The following INPP4B variants were observed in gnomAD, a reference collection of about 807,000 sequenced individuals.
INPP4B encodes inositol polyphosphate-4-phosphatase type II B, also known as inositol polyphosphate 4-phosphatase type II.
Under a neutral mutation model 122.5 loss-of-function variants are expected in INPP4B, and 55 were observed. That is an observed-to-expected ratio of 0.45 (90% confidence interval 0.36 to 0.56). The LOEUF is 0.56. Ranked by LOEUF, INPP4B falls within the 20% of genes least tolerant of loss-of-function variation. The pLI, the probability that INPP4B is intolerant of heterozygous loss-of-function variation, is 0.00. For synonymous variants in INPP4B, 403 were observed against 388.7 expected, an observed-to-expected ratio of 1.04 and a Z score of -0.43; for missense variants, 1,000 against 1,097.7, an observed-to-expected ratio of 0.91 and a Z score of 1.26.
chr4:142,150,957 ATAGCCTGATG>A (rs1813585271), intron 17 of INPP4B, among the ~76,000 whole-genome samples: 1 of 152,202 alleles, frequency 6.6e-6, no homozygotes, highest in Non-Finnish European at 1.5e-5. Context: ...GATGTACAAA[ATAGCCTGATG>A]TATCTGTATT....
intron 12 of INPP4B, among the ~76,000 whole-genome samples, chr4:142,222,158 C>G (rs573039143): frequency 1.3e-5 from 2 of 152,192 alleles, no homozygotes; most frequent in Non-Finnish European, 2.9e-5. Context: ...CAGGGTTTCA[C>G]CATGTTAGCC....
chr4:142,826,511 C>T (rs1781483418), intron 1 of INPP4B, among the ~76,000 whole-genome samples: 1 of 147,022 alleles, frequency 6.8e-6, no homozygotes, highest in Non-Finnish European at 1.5e-5. Flanking sequence ...CACACACACA[C>T]ACACACAAAT....
At chr4:142,093,833 A>C (rs3822137) in intron 23 of INPP4B, among the ~76,000 whole-genome samples, 39,131 of 152,040 alleles carry the variant, frequency 0.26, 5,114 homozygotes, top group East Asian at 0.3. Context: ...TATTTTTGAC[A>C]TACACACTTT....
intron 2 of INPP4B, among the ~76,000 whole-genome samples, chr4:142,531,170 G>C (rs1384916428): frequency 1.3e-5 from 2 of 151,808 alleles, no homozygotes; most frequent in Non-Finnish European, 2.9e-5. Flanking sequence ...TGAAAATAAA[G>C]TCAATAGATA....
chr4:142,190,109 C>T (rs1336144982), intron 15 of INPP4B, among the ~76,000 whole-genome samples: 3 of 152,042 alleles, frequency 2.0e-5, no homozygotes, highest in Non-Finnish European at 2.9e-5. Flanking sequence ...AAAAAATAAA[C>T]AAAGGTGAAA....
chr4:142,675,052 A>C (rs1757532464), intron 2 of INPP4B, among the ~76,000 whole-genome samples: 1 of 152,172 alleles, frequency 6.6e-6, no homozygotes, highest in Non-Finnish European at 1.5e-5. Context: ...CCTTCAAAAA[A>C]TCAGTGAATC....
At chr4:142,042,851 G>A (rs375048932) in intron 25 of INPP4B, among the ~76,000 whole-genome samples, 92 of 152,198 alleles carry the variant, frequency 6.0e-4, no homozygotes, top group Middle Eastern at 3.4e-3. Flanking sequence ...ATGAGCCACC[G>A]CGCCCAGACG....
At chr4:142,641,976 G>A (rs985463091) in intron 2 of INPP4B, among the ~76,000 whole-genome samples, 1 of 152,168 alleles carries the variant, frequency 6.6e-6, no homozygotes, top group East Asian at 1.9e-4. Context: ...GGTGTGAGAT[G>A]ATATCTCACT....
chr4:142,055,641 T>G (rs559679266), intron 25 of INPP4B, among the ~76,000 whole-genome samples: 1 of 46,064 alleles, frequency 2.2e-5, no homozygotes, highest in Non-Finnish European at 1.0e-4. Flanking sequence ...ATCTTAAGTG[T>G]TTTAAAAGCA....
chr4:142,659,265 G>T (rs1468987381), intron 2 of INPP4B, among the ~76,000 whole-genome samples: 1 of 151,610 alleles, frequency 6.6e-6, no homozygotes, highest in Non-Finnish European at 1.5e-5. Flanking sequence ...AATTAGCCAG[G>T]CGTGGTGGCA....
chr4:142,431,096 T>C lies in INPP4B; in HGVS notation c.91+73A>G, dbSNP rs1032108573. On this transcript the variant is annotated intron_variant, in intron 4 of 25. Coordinates refer to ENST00000262992, the MANE Select transcript of INPP4B (RefSeq NM_001101669.3). ...TCCTATGAATCTATGAATGCATGTA[T>C]GTATGTGTAAGTTTCATCGGCCCAA... The C allele has an allele frequency of 3.0e-5, 31 of 1,025,146 alleles. No homozygotes were observed. The African/African-American group carries it at 4.0e-4, about 13-fold the overall frequency. 63.5% of individuals were successfully genotyped at this position (1,025,146 alleles called of 1,614,324 possible).
chr4:142,233,392 T>C (rs1040978768), intron 12 of INPP4B, among the ~76,000 whole-genome samples: 2 of 152,212 alleles, frequency 1.3e-5, no homozygotes, highest in Admixed American at 1.3e-4. Flanking sequence ...TTTAGCAATG[T>C]AAATGACTGT....
intron 3 of INPP4B, among the ~76,000 whole-genome samples, chr4:142,450,982 C>G (rs933257806): frequency 6.7e-6 from 1 of 149,922 alleles, no homozygotes; most frequent in Non-Finnish European, 1.5e-5. Flanking sequence ...AACTCCCCCC[C>G]CCAAAAAAAG....
chr4:142,636,014 C>A (rs1749076609), intron 2 of INPP4B, among the ~76,000 whole-genome samples: 3 of 152,116 alleles, frequency 2.0e-5, no homozygotes, highest in Admixed American at 6.6e-5. Flanking sequence ...ATGTCAAGGG[C>A]AGGATCCTGT....
intron 1 of INPP4B, among the ~76,000 whole-genome samples, chr4:142,821,801 C>CTAGTA (rs1391503205): frequency 6.6e-6 from 1 of 152,110 alleles, no homozygotes; most frequent in Non-Finnish European, 1.5e-5. Flanking sequence ...GACCGTTATG[C>CTAGTA]TAGTACAGCA....
At chr4:142,603,359 T>G (rs1223460418) in intron 2 of INPP4B, among the ~76,000 whole-genome samples, 1 of 151,576 alleles carries the variant, frequency 6.6e-6, no homozygotes, top group African/African-American at 2.4e-5. Context: ...AACCTGCACA[T>G]CTGCACATAT....
chr4:142,558,330 C>G (rs1419846164), intron 2 of INPP4B, among the ~76,000 whole-genome samples: 1 of 152,050 alleles, frequency 6.6e-6, no homozygotes, highest in African/African-American at 2.4e-5. Flanking sequence ...CTTATTTGTC[C>G]TGCACCCAAT....
intron 3 of INPP4B, among the ~76,000 whole-genome samples, chr4:142,448,901 T>C (rs893077408): frequency 6.6e-6 from 1 of 152,148 alleles, no homozygotes; most frequent in Non-Finnish European, 1.5e-5. Flanking sequence ...AAAATAAGCA[T>C]GTATTTAAAG....
intron 21 of INPP4B, among the ~76,000 whole-genome samples, chr4:142,120,691 T>A (rs769177935): frequency 4.6e-5 from 7 of 152,046 alleles, no homozygotes; most frequent in Non-Finnish European, 1.0e-4. Flanking sequence ...GCTGCTGGTG[T>A]TAATGGCCTT....
Sources: gnomAD v4.1 joint callset for allele counts (sites outside exome capture counted in the v4.1 genomes callset) on GRCh38, gnomAD v4.1.1 for gene constraint, MANE v1.5 for transcripts, NCBI Gene and HGNC (gene_info 2026-07-23, HGNC 2026-07-21) for gene names.